Variants in POLR3G observed in about 807,000 individuals in gnomAD.
The protein encoded by POLR3G is DNA-directed RNA polymerase III subunit RPC7.
In POLR3G, 28 loss-of-function variants were observed where a neutral mutation model predicts 30.1. The observed-to-expected ratio is 0.93, with a 90% CI of 0.69 to 1.27. The LOEUF (loss-of-function observed/expected upper bound fraction) is 1.27. POLR3G is among the 50% of genes most tolerant of loss of function. The pLI is 0.00. For missense variants in POLR3G, 254 were observed against 264.6 expected, an observed-to-expected ratio of 0.96 and a Z score of 0.28; for synonymous variants, 79 against 82.5, an observed-to-expected ratio of 0.96 and a Z score of 0.23.
intron 1 of POLR3G, among the ~76,000 whole-genome samples, chr5:90,479,562 T>G (rs1187127323): frequency 1.3e-5 from 2 of 152,144 alleles, no homozygotes. Context: ...GTATTCTATT[T>G]CTTTGAAAAT....
chr5:90,493,020 C>T (rs1033216120), intron 3 of POLR3G, among the ~76,000 whole-genome samples: 6 of 107,780 alleles, frequency 5.6e-5, no homozygotes, highest in Non-Finnish European at 9.9e-5. Flanking sequence ...TATGAGAAAA[C>T]CAGAGGAAAT....
At chr5:90,500,558 T>A (rs79306719) in intron 5 of POLR3G, among the ~76,000 whole-genome samples, 3,698 of 152,242 alleles carry the variant, frequency 0.024, 140 homozygotes, top group African/African-American at 0.085. Flanking sequence ...TGTGATGCTA[T>A]ATTTTATGTG....
At chr5:90,502,398 T>G in intron 6 of POLR3G, 2 of 887,522 alleles carry the variant, frequency 2.3e-6, no homozygotes, top group Non-Finnish European at 2.7e-6. Context: ...GTCTTAAGTA[T>G]TGAAGACTCT....
chr5:90,487,158 A>G (rs957496025), intron 2 of POLR3G, among the ~76,000 whole-genome samples: 2 of 152,018 alleles, frequency 1.3e-5, no homozygotes, highest in Non-Finnish European at 2.9e-5. Context: ...CAATTTCTTC[A>G]CTGTAAAAGG....
At chr5:90,487,787 C>T (rs982862282) in intron 2 of POLR3G, among the ~76,000 whole-genome samples, 7 of 152,030 alleles carry the variant, frequency 4.6e-5, no homozygotes, top group Non-Finnish European at 7.4e-5. Flanking sequence ...AGGAAAATTA[C>T]GCATCTTTCT....
chr5:90,479,892 C>A (rs983941586), intron 1 of POLR3G, among the ~76,000 whole-genome samples: 3 of 151,974 alleles, frequency 2.0e-5, no homozygotes, highest in African/African-American at 7.3e-5. Flanking sequence ...GTAGCAGAAT[C>A]AAAACTGTGC....
chr5:90,474,384 G>C (rs377076752), upstream of POLR3G: 1,017 of 1,206,444 alleles, frequency 8.4e-4, 22 homozygotes, highest in South Asian at 0.013. Context: ...TGTGTGAAGC[G>C]GTCTGCCTGC....
chr5:90,482,786 C>T (rs1030617708), intron 1 of POLR3G, among the ~76,000 whole-genome samples: 2 of 152,090 alleles, frequency 1.3e-5, no homozygotes, highest in East Asian at 1.9e-4. Context: ...ATTTCATCCC[C>T]GAGCCAACCT....
At chr5:90,481,727 T>C (rs1039356814) in intron 1 of POLR3G, among the ~76,000 whole-genome samples, 7 of 152,248 alleles carry the variant, frequency 4.6e-5, no homozygotes, top group Non-Finnish European at 1.0e-4. Context: ...GTATTTTTTA[T>C]ATCTTGATTT....
At chr5:90,474,248 A>T (rs1479979852), upstream of POLR3G, 1 of 1,613,536 alleles carries the variant, frequency 6.2e-7, no homozygotes, top group Non-Finnish European at 8.5e-7. Context: ...TCCAGAAGAT[A>T]CCATCGCCTA....
At chr5:90,488,244 A>G in intron 3 of POLR3G, 115 bp downstream of exon 3, 1 of 902,668 alleles carries the variant, frequency 1.1e-6, no homozygotes, top group Non-Finnish European at 1.5e-6. Flanking sequence ...AAAAATTATC[A>G]ACTACTTTGA....
intron 5 of POLR3G, among the ~76,000 whole-genome samples, chr5:90,499,461 GT>G: frequency 6.6e-6 from 1 of 152,210 alleles, no homozygotes; most frequent in Admixed American, 6.5e-5. Context: ...TGACATGTTG[GT>G]TATTGTGACC....
chr5:90,483,179 G>C (rs1751236273), intron 1 of POLR3G, among the ~76,000 whole-genome samples: 1 of 150,538 alleles, frequency 6.6e-6, no homozygotes, highest in Non-Finnish European at 1.5e-5. Flanking sequence ...TGATCTCCGA[G>C]TTTTCGGGGA....
intron 3 of POLR3G, among the ~76,000 whole-genome samples, chr5:90,491,914 A>G (rs966687716): frequency 6.6e-6 from 1 of 152,206 alleles, no homozygotes; most frequent in Non-Finnish European, 1.5e-5. Flanking sequence ...GGTGTTGTCC[A>G]AAGCATTACA....
intron 1 of POLR3G, among the ~76,000 whole-genome samples, chr5:90,477,004 A>G (rs1750857172): frequency 6.6e-6 from 1 of 152,220 alleles, no homozygotes; most frequent in Admixed American, 6.5e-5. Flanking sequence ...CCCAATTCAT[A>G]GAAGACGGCC....
intron 4 of POLR3G, among the ~76,000 whole-genome samples, chr5:90,496,121 G>T (rs1203420022): frequency 6.6e-6 from 1 of 151,714 alleles, no homozygotes; most frequent in Non-Finnish European, 1.5e-5. Flanking sequence ...ACAGGCCCCC[G>T]CCACCATGCC....
chr5:90,490,693 G>A, intron 3 of POLR3G: 1 of 375,720 alleles, frequency 2.7e-6, no homozygotes, highest in South Asian at 2.0e-5. Flanking sequence ...ACAGGCATGA[G>A]CCACCGCACC....
chr5:90,479,604 T>A lies in POLR3G; in HGVS notation c.-44+4584T>A, dbSNP rs189441252. Among the ~76,000 whole-genome samples, 572 of 147,466 alleles carry A rather than the reference T, an allele frequency of 3.9e-3. 4 individuals carry two copies. Among genetic ancestry groups the A allele is most frequent in the African/African-American group, 0.013 (526 of 40,556 alleles). On this transcript the variant is annotated intron_variant, in intron 1 of 7. Coordinates refer to ENST00000651687, the MANE Select transcript of POLR3G (RefSeq NM_006467.3). ...GTGTGGCAACATATATCACCTGAAA[T>A]TTTTTTTTTTTAATCTGTGTTTTAA...
upstream of POLR3G, chr5:90,473,985 G>T: frequency 6.3e-7 from 1 of 1,598,888 alleles, no homozygotes; most frequent in Non-Finnish European, 8.5e-7. Flanking sequence ...CTCGGCCTCG[G>T]CGTGGTGCAC....
Sources: gnomAD v4.1 joint callset for allele counts (sites outside exome capture counted in the v4.1 genomes callset) on GRCh38, gnomAD v4.1.1 for gene constraint, MANE v1.5 for transcripts, NCBI Gene and HGNC (gene_info 2026-07-23, HGNC 2026-07-21) for gene names.